Variants in ANK2 observed in about 807,000 individuals in gnomAD.
The protein encoded by ANK2 is ankyrin-2.
Under a neutral mutation model 360.5 loss-of-function variants are expected in ANK2, and 83 were observed. That is an observed-to-expected ratio of 0.23 (90% CI 0.19 to 0.28). The LOEUF (loss-of-function observed/expected upper bound fraction) is 0.28. Ranked by LOEUF, ANK2 falls within the 10% of genes least tolerant of loss-of-function variation. The pLI, the probability that ANK2 is intolerant of heterozygous loss-of-function variation, is 1.00. For synonymous variants in ANK2, 1,740 were observed against 1,759.5 expected (o/e 0.99, Z 0.28); for missense variants, 4,201 against 4,795.7 (o/e 0.88, Z 3.66).
At chr4:113,316,243 G>A (rs1588050437) in intron 24 of ANK2, among the ~76,000 whole-genome samples, 1 of 152,242 alleles carries the variant, frequency 6.6e-6, no homozygotes, top group East Asian at 1.9e-4. Context: ...TTGTTTTATT[G>A]TAAACACAGA....
intron 2 of ANK2, among the ~76,000 whole-genome samples, chr4:112,965,666 A>G (rs2036920098): frequency 6.6e-6 from 1 of 152,178 alleles, no homozygotes; most frequent in Non-Finnish European, 1.5e-5. Context: ...GATAGGGATC[A>G]AGTTTCATTC....
chr4:112,744,294 A>G, the ANK2 span, among the ~76,000 whole-genome samples: 1 of 151,874 alleles, frequency 6.6e-6, no homozygotes, highest in Non-Finnish European at 1.5e-5. Flanking sequence ...CTACTCTGGG[A>G]GATTTCCATT....
intron 13 of ANK2, among the ~76,000 whole-genome samples, chr4:113,261,160 A>G (rs1464404233): frequency 1.3e-5 from 2 of 152,176 alleles, no homozygotes; most frequent in African/African-American, 2.4e-5. Context: ...TGTGAGGTGT[A>G]CCAGTAACTC....
At position 113,094,246 on chromosome 4, in the gene ANK2, T is replaced by C. The variant is rs766037216; in HGVS notation, c.84+44434T>C. ...CCATTGAAGTGCTTTGTGATGTTTT[T>C]TAAAAAAGAGATAAAGTGATCTCTT... On this transcript the variant is annotated intron_variant, in intron 1 of 45. Transcript: ENST00000357077. Among the ~76,000 whole-genome samples, 136 of 152,304 alleles carry C rather than the reference T, an allele frequency of 8.9e-4. 2 individuals are homozygous for C. Among genetic ancestry groups the C allele is most frequent in the Middle Eastern group, 3.4e-3 (1 of 294 alleles).
the ANK2 span, among the ~76,000 whole-genome samples, chr4:112,728,978 G>A: frequency 5.8e-4 from 89 of 152,160 alleles, no homozygotes; most frequent in Non-Finnish European, 3.8e-4. Context: ...AGGCTGAGAT[G>A]GTAGGTCTAC....
At chr4:113,044,205 A>T (rs1196298975) in intron 2 of ANK2, among the ~76,000 whole-genome samples, 1 of 152,190 alleles carries the variant, frequency 6.6e-6, no homozygotes, top group Non-Finnish European at 1.5e-5. Flanking sequence ...CGCATGAGAA[A>T]AAGTTACTTG....
At chr4:112,767,264 G>A in the ANK2 span, among the ~76,000 whole-genome samples, 1 of 152,104 alleles carries the variant, frequency 6.6e-6, no homozygotes, top group Non-Finnish European at 1.5e-5. Flanking sequence ...AAAATGAGGG[G>A]CAGACAGTAT....
intron 33 of ANK2, among the ~76,000 whole-genome samples, chr4:113,342,393 T>C (rs1286816746): frequency 3.3e-5 from 5 of 152,050 alleles, no homozygotes; most frequent in Non-Finnish European, 7.4e-5. Context: ...ACCTGACTCA[T>C]TGTGATGTCA....
intron 1 of ANK2, among the ~76,000 whole-genome samples, chr4:113,152,065 CAAAA>C (rs1232657248): frequency 1.6e-5 from 1 of 62,314 alleles, no homozygotes; most frequent in African/African-American, 6.9e-5. Flanking sequence ...GTCTCTGTCT[CAAAA>C]AAAAAAAAAG....
the ANK2 span, among the ~76,000 whole-genome samples, chr4:112,800,361 A>G: frequency 6.6e-6 from 1 of 152,318 alleles, no homozygotes; most frequent in Admixed American, 6.5e-5. Flanking sequence ...ATTAGTATAT[A>G]TACTAGTATA....
In ANK2 at chr4:113,318,737, G is replaced by T. The variant is rs906719760; in HGVS notation, c.2900+117G>T. On this transcript the variant is annotated intron_variant, in intron 26 of 45. Transcript: ENST00000357077. ...TAGCTTTACAGTGGAGGTGCCCTTTGTTTAAACTTGTAAATAACATTGCTT... is the reference window on the plus strand; with the variant it reads ...TAGCTTTACAGTGGAGGTGCCCTTTTTTTAAACTTGTAAATAACATTGCTT... 28 of 810,450 alleles carry T rather than the reference G, an allele frequency of 3.5e-5. No homozygotes were observed. The African/African-American group carries it at 4.4e-4, about 13-fold the overall frequency. 50.2% of individuals were successfully genotyped at this position (810,450 alleles called of 1,614,324 possible).
At chr4:112,791,609 C>T in the ANK2 span, among the ~76,000 whole-genome samples, 1 of 151,540 alleles carries the variant, frequency 6.6e-6, no homozygotes, top group African/African-American at 2.4e-5. Context: ...CTGCTTCAGC[C>T]TCCTGAGTAG....
At chr4:112,728,812 T>C in the ANK2 span, among the ~76,000 whole-genome samples, 9 of 152,156 alleles carry the variant, frequency 5.9e-5, no homozygotes, top group African/African-American at 1.7e-4. Context: ...AGATTGATAA[T>C]GAGTAAGGAG....
chr4:113,091,131 T>C (rs534203596), intron 1 of ANK2, among the ~76,000 whole-genome samples: 52 of 152,208 alleles, frequency 3.4e-4, no homozygotes, highest in Non-Finnish European at 5.7e-4. Context: ...CTTTGAACCA[T>C]ATCATAAAAC....
chr4:113,320,839 T>C (rs900733263), intron 26 of ANK2, among the ~76,000 whole-genome samples: 1 of 152,184 alleles, frequency 6.6e-6, no homozygotes, highest in Non-Finnish European at 1.5e-5. Flanking sequence ...TTAATTAAGG[T>C]ATACCTAGTT....
chr4:113,258,507 A>G, intron 13 of ANK2, 96 bp downstream of exon 13: 1 of 1,225,056 alleles, frequency 8.2e-7, no homozygotes, highest in Non-Finnish European at 1.2e-6. Flanking sequence ...TATGTCATCG[A>G]AGTAAGCAAC....
At chr4:112,802,546 C>T in the ANK2 span, among the ~76,000 whole-genome samples, 2 of 152,032 alleles carry the variant, frequency 1.3e-5, no homozygotes, top group Admixed American at 1.3e-4. Flanking sequence ...GTGCTTATCT[C>T]TGGGAAGTGG....
At chr4:113,140,016 G>C (rs1320889140) in intron 1 of ANK2, among the ~76,000 whole-genome samples, 1 of 152,162 alleles carries the variant, frequency 6.6e-6, no homozygotes, top group South Asian at 2.1e-4. Context: ...ATTTAGTGTA[G>C]ATCCATAAGT....
chr4:113,292,776 G>A (rs1041977786), intron 21 of ANK2, among the ~76,000 whole-genome samples: 2 of 152,074 alleles, frequency 1.3e-5, no homozygotes, highest in Admixed American at 6.5e-5. Context: ...CTGCTGGAAC[G>A]TGCTCTGCTT....
Sources: allele counts gnomAD v4.1 joint callset (sites outside exome capture counted in the v4.1 genomes callset), GRCh38; gene constraint gnomAD v4.1.1; transcripts MANE v1.5; gene names NCBI Gene and HGNC (gene_info 2026-07-23, HGNC 2026-07-21).